Variants in TBATA observed in about 807,000 individuals in gnomAD.
TBATA encodes thymus, brain and testes associated.
A neutral mutation model predicts 38.7 loss-of-function variants in TBATA; 47 were observed. The ratio of observed to expected loss-of-function variants is 1.21; its 90% confidence interval spans 0.96 to 1.55. TBATA has a LOEUF of 1.55. Among genes scored for constraint, TBATA ranks in the 40% most tolerant of loss-of-function variants. The pLI is 0.00. For missense variants in TBATA, 436 were observed against 435.6 expected (o/e 1.00, Z -0.01); for synonymous variants, 183 against 170.5 (o/e 1.07, Z -0.57).
rs2244116 is a variant in TBATA, at chr10:70,784,161, G to A, written c.-147+486C>T. On this transcript the variant is annotated intron_variant, in intron 2 of 10. Transcript: ENST00000456372. ...GCAAGCAAAATGATCATGAACATGCGATAAAACAGCAACAACAGCATCAAA... is the reference window on the plus strand; with the variant it reads ...GCAAGCAAAATGATCATGAACATGCAATAAAACAGCAACAACAGCATCAAA... Among the ~76,000 whole-genome samples the A allele has an allele frequency of 8.6e-3, 1,313 of 152,178 alleles. 22 individuals carry two copies. The highest frequency in any genetic ancestry group is 0.03 in the African/African-American group (1,236 of 41,506).
At chr10:70,774,996 T>C (rs902964098) in intron 8 of TBATA, among the ~76,000 whole-genome samples, 193 bp downstream of exon 8, 3 of 151,974 alleles carry the variant, frequency 2.0e-5, no homozygotes, top group African/African-American at 4.8e-5. Flanking sequence ...TGCTGAGGAA[T>C]TGGGGAGGAG....
chr10:70,783,484 A>G lies in TBATA; in HGVS notation c.-105T>C. 7.8e-7 allele frequency: 1 copy of G among 1,286,596 alleles called. No homozygotes were observed. Among genetic ancestry groups the G allele is most frequent in the Admixed American group, 1.8e-5 (1 of 55,732 alleles). 79.7% of individuals were successfully genotyped at this position (1,286,596 alleles called of 1,614,324 possible). ...CTAGTGTTGAGGATGCAGAACAGGA[A>G]CTCTCACGAACTGGTGGTGGAAGTG... On this transcript the variant is annotated 5_prime_UTR_variant, in exon 3 of 11. Coordinates refer to ENST00000456372, the MANE Select transcript of TBATA (RefSeq NM_001318241.2).
In TBATA at chr10:70,775,250, C is replaced by T; in HGVS notation, c.714G>A (p.Arg238=). ...CGCTTAGCAAGTCTGTTTCCAGGAT[C>T]CGACACAGGAGCTCCAGGACCTGTG... ...QELLVLELLC[R]ILETDLLSAI... Residue 238 remains arginine, a synonymous_variant, in exon 8 of 11, where the codon CGG becomes CGA. Transcript: ENST00000456372. 2 of 1,614,150 alleles carry T rather than the reference C, an allele frequency of 1.2e-6. No homozygotes were observed. The highest frequency in any genetic ancestry group is 1.7e-6 in the Non-Finnish European group (2 of 1,179,990).
chr10:70,776,291 CT>C (rs1843390887), intron 7 of TBATA: 1 of 456,014 alleles, frequency 2.2e-6, no homozygotes, highest in Non-Finnish European at 4.4e-6. Flanking sequence ...TGACCTGCCC[CT>C]GGGCCCTTCT....
intron 6 of TBATA, among the ~76,000 whole-genome samples, chr10:70,778,058 T>C (rs1843651762): frequency 6.6e-6 from 1 of 152,220 alleles, no homozygotes; most frequent in Non-Finnish European, 1.5e-5. Context: ...CAGGTGACTT[T>C]ACTGTTTTAT....
rs4747102 is a variant in TBATA at position 70,784,994 on chromosome 10, G to A, written c.-273-221C>T. On this transcript the variant is annotated intron_variant, in intron 1 of 10. Coordinates refer to ENST00000456372, the MANE Select transcript of TBATA (RefSeq NM_001318241.2). ...TTTTTATTTCTTAAATGTTAGATAT[G>A]ATCCATTTAAATTGATCTAATAAGC... 2.2e-3 allele frequency among the ~76,000 whole-genome samples: 335 copies of A among 150,148 alleles called. 8 individuals carry two copies. The highest frequency in any genetic ancestry group is 0.021 in the Admixed American group (309 of 15,018).
intron 3 of TBATA, chr10:70,782,489 C>T (rs1342110122): frequency 5.0e-5 from 64 of 1,287,858 alleles, no homozygotes; most frequent in Non-Finnish European, 6.2e-5. Flanking sequence ...TCATCCTCCC[C>T]CATGCACTCA....
intron 6 of TBATA, among the ~76,000 whole-genome samples, chr10:70,778,095 C>T (rs1843658880): frequency 6.6e-6 from 1 of 152,178 alleles, no homozygotes; most frequent in African/African-American, 2.4e-5. Context: ...TGGGGTCACC[C>T]CTATCATGTT....
Position 70,771,577 on chromosome 10 carries a change from G to C in TBATA, c.974-116C>G. On this transcript the variant is annotated intron_variant, in intron 10 of 10. Transcript: ENST00000456372. ...AAGGTCTGAGTCAAGCCCAGCTCCTGCTCTCAGCTCTGCTGGTGACCGAGG... is the reference window on the plus strand; with the variant it reads ...AAGGTCTGAGTCAAGCCCAGCTCCTCCTCTCAGCTCTGCTGGTGACCGAGG... The C allele has an allele frequency of 3.3e-6, 3 of 915,458 alleles. No homozygotes were observed. In the South Asian group the frequency reaches 4.8e-5, roughly 15 times the overall value. The allele number at this position is 915,458 out of a possible 1,614,324, so 56.7% of individuals were successfully genotyped here.
chr10:70,779,019 T>C (rs1326293843), intron 5 of TBATA, among the ~76,000 whole-genome samples: 3 of 152,222 alleles, frequency 2.0e-5, no homozygotes, highest in Admixed American at 6.5e-5. Flanking sequence ...CAGATGGGCC[T>C]GTTATTAAGA....
chr10:70,782,538 A>T, intron 3 of TBATA: 1 of 1,262,692 alleles, frequency 7.9e-7, no homozygotes, highest in Non-Finnish European at 1.0e-6. Flanking sequence ...CAGAGGCCAG[A>T]GCTGGAGCTT....
At chr10:70,779,836 G>A (rs751551813) in intron 4 of TBATA, 94 bp from the exon 5 acceptor site, 5 of 1,306,452 alleles carry the variant, frequency 3.8e-6, no homozygotes, top group Non-Finnish European at 5.2e-6. Context: ...GGTGATTCCG[G>A]CTCCACCTCT....
chr10:70,774,983 T>A (rs1252380764), intron 8 of TBATA, among the ~76,000 whole-genome samples: 1 of 152,058 alleles, frequency 6.6e-6, no homozygotes, highest in East Asian at 1.9e-4. Context: ...GGTAAGGAAA[T>A]CCTGCTGAGG....
chr10:70,775,045 G>A (rs991191558), intron 8 of TBATA, 144 bp downstream of exon 8: 4 of 653,022 alleles, frequency 6.1e-6, no homozygotes, highest in Non-Finnish European at 1.0e-5. Context: ...GGTTAGTTTG[G>A]GGCTCCAAAG....
chr10:70,778,502 C>CA (rs927105929), intron 6 of TBATA, 55 bp downstream of exon 6: 1 of 1,551,158 alleles, frequency 6.4e-7, no homozygotes, highest in African/African-American at 1.4e-5. Flanking sequence ...TCTCCTTACA[C>CA]AGGGAAGGAT....
At chr10:70,773,136 C>CTG (rs1265955333) in intron 9 of TBATA, among the ~76,000 whole-genome samples, 2 of 152,150 alleles carry the variant, frequency 1.3e-5, no homozygotes, top group African/African-American at 4.8e-5. Context: ...ACAGTGAAGC[C>CTG]TGTCTTCCTC....
At chr10:70,779,498 G>A (rs1385277520) in intron 5 of TBATA, 95 bp downstream of exon 5, 7 of 1,355,140 alleles carry the variant, frequency 5.2e-6, no homozygotes, top group African/African-American at 3.0e-5. Flanking sequence ...ACCTAAGAGC[G>A]ATGGCCCTTT....
rs958671596 is a variant in TBATA, at chr10:70,782,563, C to T, written c.42-527G>A. 3 of 985,348 alleles carry T rather than the reference C, an allele frequency of 3.0e-6. No homozygotes were observed. In the African/African-American group the frequency reaches 5.2e-5, roughly 17 times the overall value. 61.0% of individuals were successfully genotyped at this position (985,348 alleles called of 1,614,324 possible). On this transcript the variant is annotated intron_variant, in intron 3 of 10. Transcript: ENST00000456372. The stretch of plus-strand genomic sequence containing the variant: ...AGCTGGAGCTTAGGCCAGACCAGAC[C>T]AGCAAGTTCTGTTCCCATGGGGGTC...
At chr10:70,774,017 T>A (rs1441893107) in intron 9 of TBATA, 196 bp downstream of exon 9, 1 of 295,114 alleles carries the variant, frequency 3.4e-6, no homozygotes, top group Non-Finnish European at 5.0e-6. Flanking sequence ...GTTTGGGGGC[T>A]GGTCTGGCTG....
Sources: allele counts gnomAD v4.1 joint callset (sites outside exome capture counted in the v4.1 genomes callset), GRCh38; gene constraint gnomAD v4.1.1; transcripts MANE v1.5; gene names NCBI Gene and HGNC (gene_info 2026-07-23, HGNC 2026-07-21).